Variants in CNTN1 observed in about 807,000 individuals in gnomAD.
CNTN1 encodes the protein contactin-1.
A neutral mutation model predicts 126.4 loss-of-function variants in CNTN1; 38 were observed. The ratio of observed to expected loss-of-function variants is 0.30; its 90% CI spans 0.23 to 0.39. The LOEUF is 0.39. Among genes scored for constraint, CNTN1 ranks in the 10% least tolerant of loss-of-function variants. The pLI, the probability that CNTN1 is intolerant of heterozygous loss-of-function variation, is 1.00. For synonymous variants in CNTN1, 413 were observed against 422.6 expected, an observed-to-expected ratio of 0.98 and a Z score of 0.28; for missense variants, 1,009 against 1,248.4, an observed-to-expected ratio of 0.81 and a Z score of 2.89.
At chr12:40,862,118 CA>C (rs1322583875) in intron 1 of CNTN1, among the ~76,000 whole-genome samples, 1 of 151,726 alleles carries the variant, frequency 6.6e-6, no homozygotes, top group Non-Finnish European at 1.5e-5. Flanking sequence ...GTGGAACAAT[CA>C]CTTGTGCCCA....
intron 1 of CNTN1, among the ~76,000 whole-genome samples, chr12:40,719,655 T>C (rs1942141536): frequency 1.3e-5 from 2 of 152,246 alleles, no homozygotes; most frequent in South Asian, 4.1e-4. Context: ...CCTTATTTGC[T>C]TAGTATATTC....
chr12:40,899,716 C>T (rs1036808036), intron 1 of CNTN1, among the ~76,000 whole-genome samples: 1 of 152,076 alleles, frequency 6.6e-6, no homozygotes, highest in Non-Finnish European at 1.5e-5. Flanking sequence ...CTACAAATTT[C>T]CCGGAAAACT....
intron 1 of CNTN1, among the ~76,000 whole-genome samples, chr12:40,700,632 G>A: frequency 6.6e-6 from 1 of 151,970 alleles, no homozygotes; most frequent in Non-Finnish European, 1.5e-5. Flanking sequence ...TGTAATCTTG[G>A]AGAACCAGAT....
chr12:40,849,488 A>T (rs1359035676), intron 1 of CNTN1, among the ~76,000 whole-genome samples: 1 of 152,082 alleles, frequency 6.6e-6, no homozygotes, highest in Non-Finnish European at 1.5e-5. Flanking sequence ...ACTCATAATT[A>T]TGCCCCAATC....
At chr12:40,805,042 G>A (rs1004828689) in intron 1 of CNTN1, among the ~76,000 whole-genome samples, 3 of 151,844 alleles carry the variant, frequency 2.0e-5, no homozygotes, top group Non-Finnish European at 4.4e-5. Context: ...TTGTTCCTTG[G>A]TGCACAATAC....
At chr12:41,019,112 C>T (rs1051409346) in intron 19 of CNTN1, among the ~76,000 whole-genome samples, 7 of 152,156 alleles carry the variant, frequency 4.6e-5, no homozygotes, top group Non-Finnish European at 1.0e-4. Context: ...ACCGAGATCG[C>T]GCCATTGCAC....
chr12:40,971,398 A>G (rs776597236), intron 15 of CNTN1: 2 of 1,569,990 alleles, frequency 1.3e-6, no homozygotes, highest in Non-Finnish European at 1.7e-6. Context: ...TTGGGCATCC[A>G]CACTCTCCCT....
At chr12:40,895,476 T>C (rs1435723315) in intron 1 of CNTN1, among the ~76,000 whole-genome samples, 1 of 152,142 alleles carries the variant, frequency 6.6e-6, no homozygotes, top group African/African-American at 2.4e-5. Flanking sequence ...TAGAGTCCTG[T>C]GGCAGCAGCA....
At chr12:40,753,212 C>T (rs983018459) in intron 1 of CNTN1, among the ~76,000 whole-genome samples, 1 of 152,114 alleles carries the variant, frequency 6.6e-6, no homozygotes, top group African/African-American at 2.4e-5. Flanking sequence ...CTCCTCATCT[C>T]CTTCCTTTTC....
In CNTN1 at chr12:41,037,708, A is replaced by C. The variant is rs74720512; in HGVS notation, c.2980+8489A>C. On this transcript the variant is annotated intron_variant, in intron 23 of 23. Transcript: ENST00000551295. ...CACACACACACACACACACATATTT[A>C]TATATAACATGTGAAACTTCCTCAA... Among the ~76,000 whole-genome samples, 1,293 of 151,998 alleles carry C rather than the reference A, an allele frequency of 8.5e-3. 8 individuals carry two copies. The highest frequency in any genetic ancestry group is 0.014 in the Non-Finnish European group (929 of 67,970).
At chr12:40,790,543 C>T (rs1055953811) in intron 1 of CNTN1, among the ~76,000 whole-genome samples, 2 of 152,088 alleles carry the variant, frequency 1.3e-5, no homozygotes, top group Non-Finnish European at 2.9e-5. Flanking sequence ...CATCTCACTG[C>T]CTGTATGTAC....
At chr12:40,703,846 T>TG (rs1235242060) in intron 1 of CNTN1, among the ~76,000 whole-genome samples, 2 of 151,982 alleles carry the variant, frequency 1.3e-5, no homozygotes, top group African/African-American at 4.8e-5. Flanking sequence ...TGGTAGACGT[T>TG]GCATTGGGGC....
At chr12:40,747,359 A>G (rs1356535921) in intron 1 of CNTN1, among the ~76,000 whole-genome samples, 4 of 150,140 alleles carry the variant, frequency 2.7e-5, no homozygotes, top group Non-Finnish European at 5.9e-5. Context: ...TAAGGTGGTC[A>G]GAGAAGGTAT....
In CNTN1 at chr12:41,024,724, TC is replaced by T. The variant is rs1476224737; in HGVS notation, c.2524-424del. ...TTTATCCAGCAAAATTATATTCCTC[TC>T]CAACTGCTTTAAGAATGGCTCAGAA... is the stretch of plus-strand genomic sequence containing the variant. On this transcript the variant is annotated intron_variant, in intron 20 of 23. Transcript: ENST00000551295. Among the ~76,000 whole-genome samples the T allele has an allele frequency of 9.9e-5, 15 of 152,232 alleles. No individual in the cohort carries two copies. The South Asian group carries it at 3.1e-3, about 32-fold the overall frequency.
intron 1 of CNTN1, among the ~76,000 whole-genome samples, chr12:40,774,402 T>C (rs1939493577): frequency 6.6e-6 from 1 of 151,680 alleles, no homozygotes; most frequent in Non-Finnish European, 1.5e-5. Context: ...TCTGAATGTT[T>C]AAGGGAAGAC....
chr12:41,012,342 T>C (rs73116988), intron 17 of CNTN1, among the ~76,000 whole-genome samples: 2,188 of 152,318 alleles, frequency 0.014, 19 homozygotes, highest in Middle Eastern at 0.034. Flanking sequence ...CATTATCTGA[T>C]CTTGCCAAAC....
intron 1 of CNTN1, among the ~76,000 whole-genome samples, chr12:40,895,727 C>A (rs1009906829): frequency 3.6e-4 from 55 of 151,622 alleles, no homozygotes; most frequent in African/African-American, 1.3e-3. Flanking sequence ...CAATGTTAAC[C>A]ATTTAATAGT....
intron 3 of CNTN1, among the ~76,000 whole-genome samples, chr12:40,911,370 G>A (rs967792734): frequency 6.6e-6 from 1 of 152,156 alleles, no homozygotes; most frequent in African/African-American, 2.4e-5. Flanking sequence ...GTGAGCCACC[G>A]TGCCCGGCCG....
intron 1 of CNTN1, among the ~76,000 whole-genome samples, chr12:40,816,539 CTCT>C (rs1252440440): frequency 4.7e-5 from 7 of 150,024 alleles, no homozygotes; most frequent in South Asian, 4.2e-4. Context: ...ATTCTTCTCT[CTCT>C]TCTTCTCTAT....
Sources: allele counts gnomAD v4.1 joint callset (sites outside exome capture counted in the v4.1 genomes callset), GRCh38; gene constraint gnomAD v4.1.1; transcripts MANE v1.5; gene names NCBI Gene and HGNC (gene_info 2026-07-23, HGNC 2026-07-21).